Variants in PTBP2 observed in about 807,000 individuals in gnomAD.
PTBP2 encodes polypyrimidine tract-binding protein 2.
Under a neutral mutation model 61.4 loss-of-function variants are expected in PTBP2, and 13 were observed. The ratio of observed to expected loss-of-function variants is 0.21; its 90% CI spans 0.14 to 0.34. The LOEUF is 0.34. Among genes scored for constraint, PTBP2 ranks in the 10% least tolerant of loss-of-function variants. The pLI is 1.00. For synonymous variants in PTBP2, 215 were observed against 218.5 expected, an observed-to-expected ratio of 0.98 and a Z score of 0.14; for missense variants, 405 against 642.6, an observed-to-expected ratio of 0.63 and a Z score of 4.00.
rs1390078067 is a variant in PTBP2, at chr1:96,745,884, G to A, written c.40-5541G>A. Among the ~76,000 whole-genome samples, 9 of 152,124 alleles carry A rather than the reference G, an allele frequency of 5.9e-5. No homozygotes were observed. In the South Asian group the frequency reaches 1.5e-3, roughly 25 times the overall value. ...GTTTGAGACCAGCCTGGCCAACATA[G>A]TGAAACCCCCATCTCTACTAAAAAT... On this transcript the variant is annotated intron_variant, in intron 2 of 13. Transcript: ENST00000674951.
intron 5 of PTBP2, among the ~76,000 whole-genome samples, chr1:96,775,493 G>A (rs1038237035): frequency 1.1e-4 from 17 of 152,168 alleles, no homozygotes; most frequent in Non-Finnish European, 1.2e-4. Flanking sequence ...CATGGGTAGT[G>A]TACATCATAA....
intron 7 of PTBP2, among the ~76,000 whole-genome samples, chr1:96,778,979 C>T (rs1352118944): frequency 6.6e-6 from 1 of 152,028 alleles, no homozygotes; most frequent in Admixed American, 6.6e-5. Context: ...TCTATATTGT[C>T]AACAAAACAG....
chr1:96,790,719 T>C (rs1462400731), intron 8 of PTBP2, among the ~76,000 whole-genome samples: 1 of 152,176 alleles, frequency 6.6e-6, no homozygotes, highest in Non-Finnish European at 1.5e-5. Context: ...TATAGATTCT[T>C]CCCACTGTCT....
At chr1:96,763,563 C>G (rs975762148) in intron 3 of PTBP2, among the ~76,000 whole-genome samples, 1 of 118,004 alleles carries the variant, frequency 8.5e-6, no homozygotes, top group Non-Finnish European at 1.7e-5. Context: ...CAGAGGGAGA[C>G]TGTGGAAAGA....
At chr1:96,813,161 T>G in intron 13 of PTBP2, 55 bp downstream of exon 13, 2 of 1,550,686 alleles carry the variant, frequency 1.3e-6, no homozygotes, top group South Asian at 2.4e-5. Context: ...TTTAAGTAGT[T>G]TTTGTTCTTT....
At chr1:96,789,763 G>A (rs540261873) in intron 8 of PTBP2, among the ~76,000 whole-genome samples, 1 of 151,950 alleles carries the variant, frequency 6.6e-6, no homozygotes, top group Non-Finnish European at 1.5e-5. Flanking sequence ...GTTCAATAGC[G>A]CTGACACTTA....
intron 8 of PTBP2, among the ~76,000 whole-genome samples, chr1:96,789,728 T>C (rs74334122): frequency 0.013 from 1,946 of 152,256 alleles, 47 homozygotes; most frequent in African/African-American, 0.045. Context: ...GCTAATATAA[T>C]GAATCCCATA....
chr1:96,722,411 C>T (rs1477371452), intron 1 of PTBP2, among the ~76,000 whole-genome samples: 1 of 139,518 alleles, frequency 7.2e-6, no homozygotes, highest in South Asian at 2.4e-4. Context: ...GCGGGAGCTC[C>T]GGGGAAAGCC....
At chr1:96,762,713 C>G (rs578244406) in intron 3 of PTBP2, among the ~76,000 whole-genome samples, 13 of 147,216 alleles carry the variant, frequency 8.8e-5, no homozygotes, top group Admixed American at 5.4e-4. Context: ...GCTGGCCTGG[C>G]GGGGGCTGAC....
chr1:96,721,807 T>G lies in PTBP2; in HGVS notation c.-58T>G. ...CCAGCCGCCATTTTCTCGCCGCTTG[T>G]GTGGCTCGCTGGCTGCGTGGCTCGG... On this transcript the variant is annotated 5_prime_UTR_variant, in exon 1 of 14. Transcript: ENST00000674951. The G allele has an allele frequency of 4.5e-6, 7 of 1,551,156 alleles. No individual in the cohort carries two copies. Among genetic ancestry groups the G allele is most frequent in the Non-Finnish European group, 6.1e-6 (7 of 1,146,416 alleles).
chr1:96,806,978 T>G lies in PTBP2; in HGVS notation c.1171+20T>G. 1 of 1,530,070 alleles carries G rather than the reference T, an allele frequency of 6.5e-7. No individual in the cohort carries two copies. 94.8% of individuals were successfully genotyped at this position (1,530,070 alleles called of 1,614,324 possible). A position where few individuals can be genotyped will look rare whatever the true frequency, so the allele number is the denominator to read the frequency against. The stretch of plus-strand genomic sequence containing the variant: ...AACTTGGTAAGATTAAACTATGTTT[T>G]ATCTATACATCTTCACTTCTGCTTT... On this transcript the variant is annotated intron_variant, in intron 11 of 13. Coordinates refer to ENST00000674951, the MANE Select transcript of PTBP2 (RefSeq NM_021190.4).
At chr1:96,791,153 A>T (rs894277482) in intron 8 of PTBP2, among the ~76,000 whole-genome samples, 2 of 151,892 alleles carry the variant, frequency 1.3e-5, no homozygotes, top group African/African-American at 2.4e-5. Context: ...ATGTACAATT[A>T]AAAAAAATCT....
At chr1:96,794,513 A>G (rs185767207) in intron 8 of PTBP2, among the ~76,000 whole-genome samples, 2 of 152,320 alleles carry the variant, frequency 1.3e-5, no homozygotes, top group African/African-American at 2.4e-5. Flanking sequence ...GCTACCCTCA[A>G]TTAATTGCCA....
rs192226294 is a variant in PTBP2, at chr1:96,773,230, T to C, written c.432+2379T>C. On this transcript the variant is annotated intron_variant, in intron 5 of 13. Coordinates refer to ENST00000674951, the MANE Select transcript of PTBP2 (RefSeq NM_021190.4). Reference sequence around the variant, plus strand: ...GTGGAAGCCCCATTGAGAGGGGATATTTGAATAATGAACTTCAAAGTGGTT... The same window carrying C: ...GTGGAAGCCCCATTGAGAGGGGATACTTGAATAATGAACTTCAAAGTGGTT... 1.9e-3 allele frequency among the ~76,000 whole-genome samples: 289 copies of C among 151,896 alleles called. 2 individuals are homozygous for C. Among genetic ancestry groups the C allele is most frequent in the South Asian group, 2.1e-3 (10 of 4,802 alleles).
rs190404749 is a variant in PTBP2, at chr1:96,756,260, G to A, written c.115+4760G>A. ...CTAAAAAATACAAAATTAGCTAGGCGTGGTGGTGCATGCCTGTAATCCCAG... is the reference window on the plus strand; with the variant it reads ...CTAAAAAATACAAAATTAGCTAGGCATGGTGGTGCATGCCTGTAATCCCAG... On this transcript the variant is annotated intron_variant, in intron 3 of 13. Transcript: ENST00000674951. 9.4e-4 allele frequency among the ~76,000 whole-genome samples: 143 copies of A among 152,272 alleles called. 1 individual carries two copies. The highest frequency in any genetic ancestry group is 3.9e-4 in the East Asian group (2 of 5,178).
At chr1:96,782,770 T>C (rs564599066) in intron 7 of PTBP2, among the ~76,000 whole-genome samples, 1 of 152,102 alleles carries the variant, frequency 6.6e-6, no homozygotes, top group African/African-American at 2.4e-5. Flanking sequence ...AAGTAAGTTA[T>C]CAATAGTAAA....
At chr1:96,804,437 T>TTTTTTTTTTTTTTTTTTTTTTTTTTTTTG (rs1553187763) in intron 8 of PTBP2, among the ~76,000 whole-genome samples, 1 of 152,190 alleles carries the variant, frequency 6.6e-6, no homozygotes, top group Non-Finnish European at 1.5e-5. Flanking sequence ...GATACTTTTT[T>TTTTTTTTTTTTTTTTTTTTTTTTTTTTTG]ACATTTGGCC....
intron 2 of PTBP2, among the ~76,000 whole-genome samples, chr1:96,737,418 C>T (rs982427843): frequency 1.3e-5 from 2 of 151,322 alleles, no homozygotes; most frequent in Non-Finnish European, 2.9e-5. Flanking sequence ...AGATAGAACG[C>T]AAATAATTGG....
chr1:96,750,412 A>G (rs976261429), intron 2 of PTBP2, among the ~76,000 whole-genome samples: 5 of 150,792 alleles, frequency 3.3e-5, no homozygotes, highest in African/African-American at 1.2e-4. Context: ...TTCTTTGTGC[A>G]TTTGATGCTA....
Sources: allele counts gnomAD v4.1 joint callset (sites outside exome capture counted in the v4.1 genomes callset), GRCh38; gene constraint gnomAD v4.1.1; transcripts MANE v1.5; gene names NCBI Gene and HGNC (gene_info 2026-07-23, HGNC 2026-07-21).